DLG2: variants seen among roughly 807,000 people sequenced by gnomAD.
DLG2 encodes the protein discs large MAGUK scaffold protein 2.
Under a neutral mutation model 132.5 loss-of-function variants are expected in DLG2, and 45 were observed. The ratio of observed to expected loss-of-function variants is 0.34; its 90% CI spans 0.27 to 0.44. The LOEUF is 0.44. DLG2 is among the 20% of genes least tolerant of loss of function. The pLI, the probability that DLG2 is intolerant of heterozygous loss-of-function variation, is 1.00. For missense variants in DLG2, 1,045 were observed against 1,196.9 expected (o/e 0.87, Z 1.87); for synonymous variants, 424 against 419.6 (o/e 1.01, Z -0.13).
intron 6 of DLG2, among the ~76,000 whole-genome samples, chr11:84,929,241 C>A (rs961299652): frequency 3.3e-5 from 5 of 151,148 alleles, no homozygotes; most frequent in Admixed American, 3.3e-4. Context: ...TTGTAAAGCC[C>A]AGAGGAAATT....
intron 3 of DLG2, among the ~76,000 whole-genome samples, chr11:85,487,673 G>C (rs2093460991): frequency 6.6e-6 from 1 of 152,020 alleles, no homozygotes; most frequent in African/African-American, 2.4e-5. Context: ...TAAGATGTTT[G>C]GCAGTACATA....
At chr11:83,717,512 ATGAGTAG>A (rs1486062819) in intron 18 of DLG2, among the ~76,000 whole-genome samples, 2 of 152,216 alleles carry the variant, frequency 1.3e-5, no homozygotes, top group African/African-American at 4.8e-5. Context: ...TAGTTGGGAA[ATGAGTAG>A]AGAGGGGATA....
chr11:83,524,467 C>T (rs2095557701), intron 21 of DLG2, among the ~76,000 whole-genome samples: 1 of 152,066 alleles, frequency 6.6e-6, no homozygotes, highest in African/African-American at 2.4e-5. Flanking sequence ...TTTCTTCTCT[C>T]CACAGCTACT....
intron 9 of DLG2, among the ~76,000 whole-genome samples, chr11:84,131,434 A>C (rs11233914): frequency 0.086 from 13,020 of 152,094 alleles, 706 homozygotes; most frequent in African/African-American, 0.15. Context: ...ACACACATAC[A>C]TAAATAAATG....
intron 11 of DLG2, among the ~76,000 whole-genome samples, chr11:84,012,256 G>C (rs1166632712): frequency 6.6e-6 from 1 of 152,076 alleles, no homozygotes; most frequent in Non-Finnish European, 1.5e-5. Flanking sequence ...TCAGGCTTTT[G>C]CAAGTGTCCT....
chr11:84,713,409 C>A (rs1224742760), intron 6 of DLG2, among the ~76,000 whole-genome samples: 1 of 152,060 alleles, frequency 6.6e-6, no homozygotes, highest in African/African-American at 2.4e-5. Context: ...TGTCTGACAA[C>A]TGGTAGCAGG....
At chr11:85,328,849 A>G (rs1333396871) in intron 3 of DLG2, among the ~76,000 whole-genome samples, 2 of 38,184 alleles carry the variant, frequency 5.2e-5, no homozygotes, top group Non-Finnish European at 1.2e-4. Flanking sequence ...CTGTTTGCAG[A>G]CAACATGATT....
intron 4 of DLG2, among the ~76,000 whole-genome samples, chr11:85,161,239 C>T (rs2152472671): frequency 6.6e-6 from 1 of 152,314 alleles, no homozygotes; most frequent in East Asian, 1.9e-4. Context: ...CACTCAGCCT[C>T]TTTTCACAGC....
intron 9 of DLG2, among the ~76,000 whole-genome samples, chr11:84,161,637 T>C (rs1195383678): frequency 6.6e-6 from 1 of 152,180 alleles, no homozygotes; most frequent in Admixed American, 6.5e-5. Context: ...TTTTTTGACC[T>C]CCAATACCAG....
chr11:84,048,800 T>TTACCTAAAC lies in DLG2; in HGVS notation c.919+10514_919+10515insGTTTAGGTA, dbSNP rs1283381376. ...TTTGCTAACCTAAACATCTCCAAGTTATTATGGTTACAAGATAGAAAATCC... is the reference window on the plus strand; with the variant it reads ...TTTGCTAACCTAAACATCTCCAAGTTTACCTAAACATTATGGTTACAAGATAGAAAATCC... On this transcript the variant is annotated intron_variant, in intron 11 of 27. Transcript: ENST00000376104. 2.0e-5 allele frequency among the ~76,000 whole-genome samples: 3 copies of TTACCTAAAC among 151,410 alleles called. No homozygotes were observed. In the East Asian group the frequency reaches 5.9e-4, roughly 30 times the overall value.
chr11:83,540,329 ACAGC>A (rs1243253082), intron 20 of DLG2, among the ~76,000 whole-genome samples: 2 of 152,204 alleles, frequency 1.3e-5, no homozygotes, highest in African/African-American at 4.8e-5. Flanking sequence ...GAAAACACAC[ACAGC>A]CATTCTACAG....
At chr11:84,336,312 C>T (rs1247859158) in intron 7 of DLG2, among the ~76,000 whole-genome samples, 1 of 152,196 alleles carries the variant, frequency 6.6e-6, no homozygotes, top group Non-Finnish European at 1.5e-5. Flanking sequence ...ATTTCTCTAG[C>T]TTCATCTCTC....
In DLG2 at chr11:84,821,648, C is replaced by A. The variant is rs76022269; in HGVS notation, c.358-286917G>T. On this transcript the variant is annotated intron_variant, in intron 6 of 27. Coordinates refer to ENST00000376104, the MANE Select transcript of DLG2 (RefSeq NM_001142699.3). ...AATGTAAAAAAAAAAAAAACAACAA[C>A]AACAAAAAAAACAAAAAAACAACTT... Among the ~76,000 whole-genome samples the A allele has an allele frequency of 7.3e-3, 636 of 86,856 alleles. 8 individuals are homozygous for A. The highest frequency in any genetic ancestry group is 0.014 in the Middle Eastern group (2 of 138). 57.0% of individuals were successfully genotyped at this position (86,856 alleles called of 152,430 possible).
intron 19 of DLG2, among the ~76,000 whole-genome samples, chr11:83,543,615 T>C (rs750283693): frequency 6.6e-6 from 1 of 152,186 alleles, no homozygotes; most frequent in Admixed American, 6.6e-5. Flanking sequence ...ACAATGATGA[T>C]AGCAATACCT....
chr11:85,078,992 G>T (rs571141463), intron 6 of DLG2, among the ~76,000 whole-genome samples: 2 of 150,326 alleles, frequency 1.3e-5, no homozygotes, highest in South Asian at 4.4e-4. Context: ...ACCCAAGGTA[G>T]TACAGCAAAA....
intron 3 of DLG2, 60 bp downstream of exon 3, chr11:85,598,597 T>G: frequency 3.8e-6 from 5 of 1,305,416 alleles, no homozygotes; most frequent in Middle Eastern, 3.9e-4. Context: ...GACCACATTA[T>G]TCAAACTATC....
intron 6 of DLG2, among the ~76,000 whole-genome samples, chr11:84,784,515 A>G (rs549746893): frequency 1.3e-5 from 2 of 152,034 alleles, no homozygotes; most frequent in Admixed American, 6.6e-5. Context: ...ATAATGATCA[A>G]CTTGCAACCA....
At position 83,790,239 on chromosome 11, in the gene DLG2, T is replaced by C. The variant is rs2041174434; in HGVS notation, c.1723-3447A>G. On this transcript the variant is annotated intron_variant, in intron 17 of 27. Coordinates refer to ENST00000376104, the MANE Select transcript of DLG2 (RefSeq NM_001142699.3). ...ACTATGGATGTATGCCCTTCCACAT[T>C]TGGCTGTTCATAAAAGCTAAACCTA... 16 of 910,598 alleles carry C rather than the reference T, an allele frequency of 1.8e-5. 1 individual carries two copies. The South Asian group carries it at 2.2e-4, about 13-fold the overall frequency. 56.4% of individuals were successfully genotyped at this position (910,598 alleles called of 1,614,324 possible).
rs141780585 is a variant in DLG2, at chr11:85,454,873, C to T, written c.40+143784G>A. On this transcript the variant is annotated intron_variant, in intron 3 of 27. Coordinates refer to ENST00000376104, the MANE Select transcript of DLG2 (RefSeq NM_001142699.3). Reference sequence around the variant, plus strand: ...CAGTTTTACTTCTGGGCCTCGATTCCGTTTCATTGGTCTATGTGTCTGTTT... The same window carrying T: ...CAGTTTTACTTCTGGGCCTCGATTCTGTTTCATTGGTCTATGTGTCTGTTT... Among the ~76,000 whole-genome samples the T allele has an allele frequency of 2.1e-4, 32 of 152,148 alleles. 1 individual carries two copies. The East Asian group carries it at 5.4e-3, about 26-fold the overall frequency.
Sources: allele counts gnomAD v4.1 joint callset (sites outside exome capture counted in the v4.1 genomes callset), GRCh38; gene constraint gnomAD v4.1.1; transcripts MANE v1.5; gene names NCBI Gene and HGNC (gene_info 2026-07-23, HGNC 2026-07-21).